The following NOVA1 variants were observed in gnomAD, a reference collection of about 807,000 sequenced individuals.
The protein encoded by NOVA1 is NOVA alternative splicing regulator 1.
Under a neutral mutation model 38.0 loss-of-function variants are expected in NOVA1, and 7 were observed. That is an observed-to-expected ratio of 0.18 (90% confidence interval 0.10 to 0.35). The LOEUF is 0.35. NOVA1 is among the 10% of genes least tolerant of loss of function. The pLI is 1.00. For synonymous variants in NOVA1, 270 were observed against 232.5 expected (o/e 1.16, Z -1.47); for missense variants, 460 against 616.0 (o/e 0.75, Z 2.68).
At chr14:26,567,104 A>T (rs1024228994) in intron 2 of NOVA1, among the ~76,000 whole-genome samples, 1 of 152,080 alleles carries the variant, frequency 6.6e-6, no homozygotes, top group Non-Finnish European at 1.5e-5. Context: ...AACTGTGCAA[A>T]ATGATGCCAA....
At chr14:26,452,975 A>G (rs1172309941) in intron 4 of NOVA1, among the ~76,000 whole-genome samples, 2 of 152,172 alleles carry the variant, frequency 1.3e-5, no homozygotes, top group African/African-American at 4.8e-5. Flanking sequence ...TATAAAGGAG[A>G]CACAAAGTTT....
At chr14:26,580,453 T>G (rs1654679638) in intron 2 of NOVA1, among the ~76,000 whole-genome samples, 1 of 152,048 alleles carries the variant, frequency 6.6e-6, no homozygotes, top group Non-Finnish European at 1.5e-5. Context: ...AGTTTTCTTC[T>G]CCACTATATA....
chr14:26,532,142 C>CAA (rs1351362690), intron 2 of NOVA1, among the ~76,000 whole-genome samples: 1 of 152,116 alleles, frequency 6.6e-6, no homozygotes, highest in Non-Finnish European at 1.5e-5. Context: ...TGGTTTTTCA[C>CAA]AGAGTTGAAT....
At chr14:26,488,444 T>A (rs1474044217) in intron 2 of NOVA1, among the ~76,000 whole-genome samples, 1 of 152,170 alleles carries the variant, frequency 6.6e-6, no homozygotes, top group Admixed American at 6.5e-5. Flanking sequence ...TAAAGTAGCA[T>A]CTGCACAGCT....
intron 2 of NOVA1, 38 bp downstream of exon 2, chr14:26,595,372 G>T: frequency 1.3e-6 from 2 of 1,593,146 alleles, no homozygotes; most frequent in Non-Finnish European, 1.7e-6. Flanking sequence ...CTTTCCTGTG[G>T]GGAGCTCATC....
At chr14:26,573,852 T>C (rs1397310014) in intron 2 of NOVA1, among the ~76,000 whole-genome samples, 1 of 152,124 alleles carries the variant, frequency 6.6e-6, no homozygotes, top group East Asian at 1.9e-4. Flanking sequence ...AAAAGATATG[T>C]TAGACTGAGT....
At chr14:26,449,807 A>C (rs1395861077) in intron 4 of NOVA1, among the ~76,000 whole-genome samples, 3 of 152,118 alleles carry the variant, frequency 2.0e-5, no homozygotes, top group Non-Finnish European at 4.4e-5. Flanking sequence ...GAGGATACTG[A>C]AAAATTACTG....
rs936524165 is a variant in NOVA1, at chr14:26,447,135, G to A, written c.*824C>T. The A allele has an allele frequency of 1.3e-5, 2 of 152,634 alleles. No homozygotes were observed. Among genetic ancestry groups the A allele is most frequent in the African/African-American group, 4.8e-5 (2 of 41,444 alleles). The allele number at this position is 152,634 out of a possible 1,614,324, so 9.5% of individuals were successfully genotyped here. On this transcript the variant is annotated 3_prime_UTR_variant, in exon 5 of 5. Transcript: ENST00000539517. ...TTGTTTATAAAATTTCCAATACACT[G>A]TACCACAGTTATGTGTCTAAACAGT... is the stretch of plus-strand genomic sequence containing the variant.
At chr14:26,531,384 G>C (rs1221717972) in intron 2 of NOVA1, among the ~76,000 whole-genome samples, 2 of 152,170 alleles carry the variant, frequency 1.3e-5, no homozygotes. Flanking sequence ...GAGGCAGGCA[G>C]ATCACCTGAG....
At chr14:26,514,036 G>A (rs1888284121) in intron 2 of NOVA1, among the ~76,000 whole-genome samples, 1 of 151,660 alleles carries the variant, frequency 6.6e-6, no homozygotes, top group Non-Finnish European at 1.5e-5. Flanking sequence ...AATGTTAAAA[G>A]ATATCTCTAA....
At chr14:26,563,082 G>T (rs138265449) in intron 2 of NOVA1, among the ~76,000 whole-genome samples, 1,805 of 152,094 alleles carry the variant, frequency 0.012, 14 homozygotes, top group Non-Finnish European at 0.016. Flanking sequence ...TAAGCAACAA[G>T]TCTTGCTAGC....
intron 4 of NOVA1, among the ~76,000 whole-genome samples, chr14:26,460,103 G>A (rs1405081939): frequency 6.6e-6 from 1 of 151,758 alleles, no homozygotes; most frequent in African/African-American, 2.4e-5. Context: ...CCTCTCATTA[G>A]GGAGAACAAG....
At position 26,479,911 on chromosome 14, in the gene NOVA1, T is replaced by G. The variant is rs1885315299; in HGVS notation, c.447+66A>C. 4 of 1,526,474 alleles carry G rather than the reference T, an allele frequency of 2.6e-6. No homozygotes were observed. The Admixed American group carries it at 6.1e-5, about 23-fold the overall frequency. The allele number at this position is 1,526,474 out of a possible 1,614,324, so 94.6% of individuals were successfully genotyped here. ...AAGTTTTATGCTAACACTTTAAGGCTTCTTTTGTAAGGAACTTATACTATG... is the reference window on the plus strand; with the variant it reads ...AAGTTTTATGCTAACACTTTAAGGCGTCTTTTGTAAGGAACTTATACTATG... On this transcript the variant is annotated intron_variant, in intron 3 of 4. Transcript: ENST00000539517.
chr14:26,558,734 C>T (rs918337744), intron 2 of NOVA1, among the ~76,000 whole-genome samples: 6 of 152,004 alleles, frequency 3.9e-5, no homozygotes, highest in African/African-American at 1.4e-4. Flanking sequence ...GGTCATTTTG[C>T]AACATTTAAC....
chr14:26,589,002 GA>G (rs1352510978), intron 2 of NOVA1, among the ~76,000 whole-genome samples: 2 of 150,626 alleles, frequency 1.3e-5, no homozygotes, highest in Non-Finnish European at 3.0e-5. Context: ...CAAAAAAATA[GA>G]AAAAAAACCT....
chr14:26,596,204 C>T (rs1894176359), intron 1 of NOVA1: 1 of 241,484 alleles, frequency 4.1e-6, no homozygotes, highest in South Asian at 4.9e-5. Flanking sequence ...ACTTCTTAGT[C>T]TACCGTGATC....
chr14:26,481,988 TAAA>T lies in NOVA1; in HGVS notation c.281-1848_281-1846del, dbSNP rs372806170. Among the ~76,000 whole-genome samples the T allele has an allele frequency of 3.5e-3, 373 of 105,904 alleles. 3 individuals are homozygous for T. Among genetic ancestry groups the T allele is most frequent in the African/African-American group, 0.016 (323 of 19,666 alleles). 69.5% of individuals were successfully genotyped at this position (105,904 alleles called of 152,430 possible). A position where few individuals can be genotyped will look rare whatever the true frequency, so the allele number is the denominator to read the frequency against. On this transcript the variant is annotated intron_variant, in intron 2 of 4. Coordinates refer to ENST00000539517, the MANE Select transcript of NOVA1 (RefSeq NM_002515.3). ...CAAAACAGTCTAACTTAGATAGAGA[TAAA>T]AAAAAAAAAAAAAAAAAAAAAAACA...
intron 2 of NOVA1, among the ~76,000 whole-genome samples, chr14:26,515,394 G>A (rs549548473): frequency 6.6e-6 from 1 of 152,008 alleles, no homozygotes; most frequent in South Asian, 2.1e-4. Flanking sequence ...ATTACTCAAA[G>A]TTGATAACAA....
intron 2 of NOVA1, among the ~76,000 whole-genome samples, chr14:26,567,181 AT>A (rs995450146): frequency 2.6e-5 from 4 of 152,178 alleles, no homozygotes; most frequent in Non-Finnish European, 5.9e-5. Context: ...TCCTATAAAA[AT>A]AATGTAGAGT....
Sources: gnomAD v4.1 joint callset for allele counts (sites outside exome capture counted in the v4.1 genomes callset) on GRCh38, gnomAD v4.1.1 for gene constraint, MANE v1.5 for transcripts, NCBI Gene and HGNC (gene_info 2026-07-23, HGNC 2026-07-21) for gene names.